MED16: variants seen among roughly 807,000 people sequenced by gnomAD.
The protein encoded by MED16 is mediator of RNA polymerase II transcription subunit 16.
A neutral mutation model predicts 84.4 loss-of-function variants in MED16; 81 were observed. That is an observed-to-expected ratio of 0.96 (90% CI 0.80 to 1.15). The LOEUF (loss-of-function observed/expected upper bound fraction) is 1.15, where lower values mean the gene tolerates loss of function less well. Ranked by LOEUF, MED16 falls within the 50% of genes most tolerant of loss-of-function variation. The pLI is 0.00. For synonymous variants in MED16, 897 were observed against 552.2 expected (o/e 1.62, Z -8.76); for missense variants, 1,585 against 1,245.9 (o/e 1.27, Z -4.10).
chr19:891,027 C>T lies in MED16; in HGVS notation c.105G>A (p.Leu35=). ...SKSTHCPSVP[L]ACAWSCRNLI... ...GATTTCGGCAGGACCAGGCGCAGGC[C>T]AGGGGCACCGATGGGCAGTGGGTGC... is the stretch of plus-strand genomic sequence containing the variant. Residue 35 remains leucine, a synonymous_variant, in exon 2 of 16, where the codon CTG becomes CTA. Coordinates refer to ENST00000325464, the MANE Select transcript of MED16 (RefSeq NM_005481.3). 6.2e-7 allele frequency: 1 copy of T among 1,614,132 alleles called. No homozygotes were observed. The highest frequency in any genetic ancestry group is 8.5e-7 in the Non-Finnish European group (1 of 1,180,026).
At chr19:876,011 G>A (rs1375580826) in intron 9 of MED16, among the ~76,000 whole-genome samples, 1 of 152,238 alleles carries the variant, frequency 6.6e-6, no homozygotes, top group African/African-American at 2.4e-5. Flanking sequence ...CCCAAGGAGG[G>A]AGAGGGCGAG....
chr19:872,530 GAA>G (rs1179715233), intron 11 of MED16, among the ~76,000 whole-genome samples: 1 of 151,958 alleles, frequency 6.6e-6, no homozygotes, highest in Non-Finnish European at 1.5e-5. Flanking sequence ...CCCACAAAAA[GAA>G]GAGAGGGACT....
rs771947568 is a variant in MED16, at chr19:885,968, C to T, written c.681G>A (p.Val227=). The T allele has an allele frequency of 6.2e-7, 1 of 1,612,014 alleles. No homozygotes were observed. The highest frequency in any genetic ancestry group is 8.5e-7 in the Non-Finnish European group (1 of 1,179,580). Reference sequence around the variant, plus strand: ...CGCTGCTGCCGTCCGCCGTGGCCACCACGATGTTGCCGCCGCCGGTGAAGG... The same window carrying T: ...CGCTGCTGCCGTCCGCCGTGGCCACTACGATGTTGCCGCCGCCGGTGAAGG... ...DIAFTGGGNI[V]VATADGSSAS... is the part of the protein sequence containing the mutation. Residue 227 remains valine (V), a synonymous_variant, in exon 5 of 16, where the codon GTG becomes GTA. Coordinates refer to ENST00000325464, the MANE Select transcript of MED16 (RefSeq NM_005481.3).
chr19:882,669 G>A (rs559823035), intron 6 of MED16, among the ~76,000 whole-genome samples: 79 of 152,342 alleles, frequency 5.2e-4, no homozygotes, highest in Middle Eastern at 3.4e-3. Flanking sequence ...GCTGCTAACC[G>A]CAGACACGTG....
At position 868,134 on chromosome 19, in the gene MED16, G is replaced by A. The variant is rs370210812; in HGVS notation, c.2601C>T (p.Ser867=). Residue 867 remains serine, a synonymous_variant, in exon 16 of 16, where the codon TCC becomes TCT. Coordinates refer to ENST00000325464, the MANE Select transcript of MED16 (RefSeq NM_005481.3). ...GGTCCTCTGGATGCAGATGGTCCAG[G>A]GATCTGGGGGTCCTGGGAGAGTGGT... The part of the protein sequence containing the change: ...STHHSPRTPR[S]LDHLHPEDRP The A allele has an allele frequency of 3.6e-5, 58 of 1,611,586 alleles. No homozygotes were observed. The highest frequency in any genetic ancestry group is 1.7e-4 in the Middle Eastern group (1 of 6,026).
At chr19:882,895 G>A (rs2036449079) in intron 6 of MED16, among the ~76,000 whole-genome samples, 1 of 152,200 alleles carries the variant, frequency 6.6e-6, no homozygotes, top group South Asian at 2.1e-4. Context: ...GGTCCTGTGA[G>A]CAGCATTCCC....
At chr19:874,100 CCAGA>C in intron 10 of MED16, among the ~76,000 whole-genome samples, 1 of 152,222 alleles carries the variant, frequency 6.6e-6, no homozygotes, top group Middle Eastern at 3.4e-3. Context: ...ACCGGGTACT[CCAGA>C]CAAACGATAA....
Position 873,873 on chromosome 19 carries a change from G to A in MED16, c.1772-291C>T, listed in dbSNP as rs577542024. 4.5e-4 allele frequency among the ~76,000 whole-genome samples: 68 copies of A among 152,240 alleles called. 1 individual carries two copies. The highest frequency in any genetic ancestry group is 1.3e-3 in the African/African-American group (56 of 41,536). ...GCCAGGGCCACCAGTGCTCAGGCCC[G>A]GCCTGCTGGTGCACATCTGCCCCCT... On this transcript the variant is annotated intron_variant, in intron 10 of 15. Coordinates refer to ENST00000325464, the MANE Select transcript of MED16 (RefSeq NM_005481.3).
intron 4 of MED16, among the ~76,000 whole-genome samples, chr19:886,963 C>T (rs1034615117): frequency 1.3e-5 from 2 of 151,900 alleles, no homozygotes; most frequent in African/African-American, 4.8e-5. Context: ...CCTATAATCC[C>T]AGCTACTCAG....
At chr19:875,733 C>T (rs534085326) in intron 9 of MED16, among the ~76,000 whole-genome samples, 190 of 152,288 alleles carry the variant, frequency 1.2e-3, no homozygotes, top group Middle Eastern at 3.4e-3. Flanking sequence ...GGGGGTGCCC[C>T]TGCCAAGTAA....
In MED16 at chr19:893,123, G is replaced by C. The variant is rs1048520170; in HGVS notation, c.-56C>G. 1 of 152,286 alleles carries C rather than the reference G, an allele frequency of 6.6e-6. No homozygotes were observed. Among genetic ancestry groups the C allele is most frequent in the South Asian group, 2.1e-4 (1 of 4,854 alleles). The allele number at this position is 152,286 out of a possible 1,614,324, so 9.4% of individuals were successfully genotyped here. ...TGCGCCAAGCTCAGCGGGCGTCCGC[G>C]GTGCGATCTTCCCTAGCGCCTCGGG... On this transcript the variant is annotated 5_prime_UTR_variant, in exon 1 of 16. Transcript: ENST00000325464.
At chr19:870,567 A>G (rs1361708298) in intron 13 of MED16, among the ~76,000 whole-genome samples, 1 of 36,840 alleles carries the variant, frequency 2.7e-5, no homozygotes, top group Non-Finnish European at 7.4e-5. Flanking sequence ...TCGGGGAGAC[A>G]AAAAAAAAAA....
chr19:879,898 T>G (rs1450705495), intron 8 of MED16, 39 bp downstream of exon 8: 1 of 1,462,322 alleles, frequency 6.8e-7, no homozygotes, highest in Non-Finnish European at 9.1e-7. Context: ...TGGTTGTCAA[T>G]GCCCACCAGC....
intron 4 of MED16, among the ~76,000 whole-genome samples, chr19:888,000 C>G (rs557568677): frequency 6.6e-6 from 1 of 151,726 alleles, no homozygotes; most frequent in South Asian, 2.1e-4. Flanking sequence ...GTTAGGAGTT[C>G]GAGACCACCC....
At position 886,194 on chromosome 19, in the gene MED16, G is replaced by A; in HGVS notation, c.455C>T (p.Ala152Val). The part of the protein sequence containing the change: ...KLALHVEKSG[A>V]SSFGEKFSRV... ...GGAGAACTTCTCCCCGAAGCTGGAGGCGCCCGACTGTGGAGAAGGGAGGGA... is the reference window on the plus strand; with the variant it reads ...GGAGAACTTCTCCCCGAAGCTGGAGACGCCCGACTGTGGAGAAGGGAGGGA... Residue 152 changes from alanine (A) to valine (V), a missense_variant, in exon 5 of 16, where the codon GCC becomes GTC. By Grantham distance (64) the Ala-to-Val change is moderately conservative (BLOSUM62 0). Transcript: ENST00000325464. 1 of 1,508,928 alleles carries A rather than the reference G, an allele frequency of 6.6e-7. No homozygotes were observed. Among genetic ancestry groups the A allele is most frequent in the East Asian group, 2.3e-5 (1 of 43,216 alleles). 93.5% of individuals were successfully genotyped at this position (1,508,928 alleles called of 1,614,324 possible). A position where few individuals can be genotyped will look rare whatever the true frequency, so the allele number is the denominator to read the frequency against.
rs2036082204 is a variant in MED16, at chr19:871,974, C to T, written c.2050G>A (p.Asp684Asn). 1.9e-6 allele frequency: 3 copies of T among 1,602,944 alleles called. No individual in the cohort carries two copies. Among genetic ancestry groups the T allele is most frequent in the Non-Finnish European group, 2.6e-6 (3 of 1,176,346 alleles). The change falls in exon 12 of 16, where the codon GAC (aspartate) becomes AAC (asparagine). Residue 684 changes from aspartate (D) to asparagine (N), a missense_variant. Physicochemically the swap from Asp to Asn is conservative, Grantham distance 23. Coordinates refer to ENST00000325464, the MANE Select transcript of MED16 (RefSeq NM_005481.3). ...AGGCGGAAGAGCAGGGACATGCTGT[C>T]CTGGGTATCCGAGGTGGCCGTATAC... is the stretch of plus-strand genomic sequence containing the variant. ...PVYTATSDTQ[D>N]SMSLLFRLLT...
At position 871,197 on chromosome 19, in the gene MED16, G is replaced by T. The variant is rs1162276311; in HGVS notation, c.2155C>A (p.Leu719Met). The T allele has an allele frequency of 1.3e-6, 2 of 1,550,612 alleles. No homozygotes were observed. The highest frequency in any genetic ancestry group is 1.7e-6 in the Non-Finnish European group (2 of 1,146,926). Residue 719 changes from leucine (L) to methionine (M), a missense_variant, in exon 13 of 16, where the codon CTG (leucine) becomes ATG (methionine). Leu to Met is a conservative substitution (Grantham distance 15). Coordinates refer to ENST00000325464, the MANE Select transcript of MED16 (RefSeq NM_005481.3). ...PDEALVDECC[L>M]LPSQLLIPSL... ...GGGATAAGCAGCTGGCTGGGCAGCA[G>T]GCAGCATTCATCCACCAGCGCCTCG...
rs764958390 is a variant in MED16 at position 871,106 on chromosome 19, C to T, written c.2246G>A (p.Arg749His). Reference sequence around the variant, plus strand: ...CGTGGGCGCCCGGCCAAACTGCAGACGAAGGGGCTGCTTGGGCTGCAGGCG... The same window carrying T: ...CGTGGGCGCCCGGCCAAACTGCAGATGAAGGGGCTGCTTGGGCTGCAGGCG... ...VSRLQPKQPLRLQFGRAPTLP... is the reference protein window; with the variant it reads ...VSRLQPKQPLHLQFGRAPTLP... Residue 749 changes from arginine (R) to histidine (H), a missense_variant, in exon 13 of 16, where the codon CGT becomes CAT. By Grantham distance (29) the Arg-to-His change is conservative (BLOSUM62 0). Coordinates refer to ENST00000325464, the MANE Select transcript of MED16 (RefSeq NM_005481.3). 77 of 1,548,606 alleles carry T rather than the reference C, an allele frequency of 5.0e-5. No individual in the cohort carries two copies. The East Asian group carries it at 1.2e-3, about 25-fold the overall frequency.
Position 887,727 on chromosome 19 carries a change from C to T in MED16, c.448-1526G>A, listed in dbSNP as rs112712001. Among the ~76,000 whole-genome samples the T allele has an allele frequency of 2.8e-3, 430 of 152,222 alleles. 2 individuals are homozygous for T. Among genetic ancestry groups the T allele is most frequent in the African/African-American group, 9.2e-3 (381 of 41,530 alleles). ...TCTGACTCAGGCCACAGCGGGGATG[C>T]ACCTTGAGGACATCACGCTCAGTAA... On this transcript the variant is annotated intron_variant, in intron 4 of 15. Coordinates refer to ENST00000325464, the MANE Select transcript of MED16 (RefSeq NM_005481.3).
Sources: allele counts gnomAD v4.1 joint callset (sites outside exome capture counted in the v4.1 genomes callset), GRCh38; gene constraint gnomAD v4.1.1; transcripts MANE v1.5; gene names NCBI Gene and HGNC (gene_info 2026-07-23, HGNC 2026-07-21).